The following EYS variants were observed in gnomAD, a reference collection of about 807,000 sequenced individuals.
EYS encodes protein eyes shut homolog.
Under a neutral mutation model 282.1 loss-of-function variants are expected in EYS, and 250 were observed. That is an observed-to-expected ratio of 0.89 (90% CI 0.80 to 0.98). The LOEUF (loss-of-function observed/expected upper bound fraction) is 0.98, where lower values mean the gene tolerates loss of function less well. EYS is among the 50% of genes least tolerant of loss of function. The pLI, the probability that EYS is intolerant of heterozygous loss-of-function variation, is 0.00. For synonymous variants in EYS, 1,355 were observed against 1,282.9 expected, an observed-to-expected ratio of 1.06 and a Z score of -1.20; for missense variants, 4,016 against 3,709.0, an observed-to-expected ratio of 1.08 and a Z score of -2.15.
intron 35 of EYS, among the ~76,000 whole-genome samples, chr6:63,931,846 C>T (rs2083002004): frequency 6.6e-6 from 1 of 152,150 alleles, no homozygotes; most frequent in African/African-American, 2.4e-5. Flanking sequence ...ATTTACCCTA[C>T]AGTGTTATAG....
At chr6:65,129,435 G>C (rs1205727071) in intron 12 of EYS, among the ~76,000 whole-genome samples, 1 of 151,642 alleles carries the variant, frequency 6.6e-6, no homozygotes, top group Non-Finnish European at 1.5e-5. Flanking sequence ...TGAAGGTCCA[G>C]AATCTATAAG....
At chr6:64,903,680 A>G (rs1458968333) in intron 16 of EYS, among the ~76,000 whole-genome samples, 2 of 152,146 alleles carry the variant, frequency 1.3e-5, no homozygotes, top group Non-Finnish European at 2.9e-5. Context: ...CTACTGTTCA[A>G]TGAAAAATTC....
At chr6:65,084,466 C>T (rs139038658) in intron 12 of EYS, among the ~76,000 whole-genome samples, 2 of 152,112 alleles carry the variant, frequency 1.3e-5, no homozygotes, top group Non-Finnish European at 2.9e-5. Context: ...AATGCTACTC[C>T]AAGAAAGTAA....
intron 31 of EYS, among the ~76,000 whole-genome samples, chr6:64,119,300 A>G (rs2150272470): frequency 6.6e-6 from 1 of 152,290 alleles, no homozygotes; most frequent in East Asian, 1.9e-4. Flanking sequence ...TAGTTTAACC[A>G]GAAAACTTTA....
chr6:64,181,713 T>C (rs1327159722), intron 31 of EYS, among the ~76,000 whole-genome samples: 1 of 152,090 alleles, frequency 6.6e-6, no homozygotes, highest in Non-Finnish European at 1.5e-5. Context: ...GTGTTTTTTA[T>C]CTCAAAAATG....
intron 29 of EYS, among the ~76,000 whole-genome samples, chr6:64,367,270 C>T (rs1772212103): frequency 6.6e-6 from 1 of 151,912 alleles, no homozygotes; most frequent in Admixed American, 6.6e-5. Context: ...GACACTGATC[C>T]AAGCCCAAAA....
chr6:64,014,486 T>G (rs1562151138), intron 33 of EYS, among the ~76,000 whole-genome samples: 1 of 152,176 alleles, frequency 6.6e-6, no homozygotes. Context: ...TATTTTAATG[T>G]TAAGATATTT....
intron 2 of EYS, among the ~76,000 whole-genome samples, chr6:65,530,080 T>C (rs1041733068): frequency 1.1e-4 from 16 of 152,336 alleles, no homozygotes; most frequent in African/African-American, 3.8e-4. Context: ...AGCCTTGGGA[T>C]TGTATCCTAT....
intron 2 of EYS, among the ~76,000 whole-genome samples, chr6:65,598,303 T>C (rs1765487263): frequency 6.9e-6 from 1 of 144,432 alleles, no homozygotes; most frequent in Non-Finnish European, 1.5e-5. Context: ...CTTCTTTTTT[T>C]TCTCTTTTAT....
At chr6:65,690,102 T>C (rs560200730) in intron 1 of EYS, among the ~76,000 whole-genome samples, 8 of 150,212 alleles carry the variant, frequency 5.3e-5, no homozygotes, top group Admixed American at 3.3e-4. Flanking sequence ...TATGCAGAAG[T>C]ACAGTATACA....
chr6:64,483,265 T>C (rs1156635467), intron 26 of EYS, among the ~76,000 whole-genome samples: 1 of 151,680 alleles, frequency 6.6e-6, no homozygotes, highest in Non-Finnish European at 1.5e-5. Context: ...GAACGTTCTA[T>C]GAAATGAGGG....
At chr6:63,855,378 C>A (rs1221856501) in intron 36 of EYS, among the ~76,000 whole-genome samples, 1 of 152,170 alleles carries the variant, frequency 6.6e-6, no homozygotes, top group East Asian at 1.9e-4. Flanking sequence ...GGTATCTTAT[C>A]GCACTAGTGT....
At position 64,025,144 on chromosome 6, in the gene EYS, T is replaced by A. The variant is rs114935500; in HGVS notation, c.6726-25961A>T. ...AAATAACCGGGCACCTGTCAGCCAG[T>A]TAAAAGCAACTAGTGCGGCTGCCGG... is the stretch of plus-strand genomic sequence containing the variant. On this transcript the variant is annotated intron_variant, in intron 33 of 42. Coordinates refer to ENST00000503581, the MANE Select transcript of EYS (RefSeq NM_001142800.2). 8.0e-3 allele frequency among the ~76,000 whole-genome samples: 1,223 copies of A among 152,206 alleles called. 14 individuals are homozygous for A. Among genetic ancestry groups the A allele is most frequent in the African/African-American group, 0.027 (1,126 of 41,514 alleles).
intron 12 of EYS, among the ~76,000 whole-genome samples, chr6:65,194,463 G>A (rs943561474): frequency 1.3e-5 from 2 of 151,922 alleles, no homozygotes; most frequent in African/African-American, 4.8e-5. Context: ...TATAAAATGT[G>A]ATATAATAAA....
chr6:64,078,069 CAAAAT>C (rs1055928864), intron 32 of EYS, among the ~76,000 whole-genome samples: 2 of 151,904 alleles, frequency 1.3e-5, no homozygotes, highest in African/African-American at 4.8e-5. Context: ...CAAACTGAGA[CAAAAT>C]AAATGTGCAG....
At chr6:64,640,806 C>G (rs1398563209) in intron 22 of EYS, among the ~76,000 whole-genome samples, 1 of 152,000 alleles carries the variant, frequency 6.6e-6, no homozygotes, top group African/African-American at 2.4e-5. Context: ...ACAAAAATAG[C>G]TTTGTATTCT....
chr6:65,380,886 A>G (rs2150349167), intron 8 of EYS, among the ~76,000 whole-genome samples: 1 of 152,310 alleles, frequency 6.6e-6, no homozygotes, highest in South Asian at 2.1e-4. Context: ...ATCACTGGTC[A>G]TTAGAGAAAT....
chr6:64,039,277 T>C (rs9362403), intron 33 of EYS, among the ~76,000 whole-genome samples: 1,783 of 152,310 alleles, frequency 0.012, 50 homozygotes, highest in East Asian at 0.094. Flanking sequence ...TAGGTAAGTA[T>C]TATTGTGATG....
intron 22 of EYS, among the ~76,000 whole-genome samples, chr6:64,743,407 G>T (rs1772440761): frequency 6.6e-6 from 1 of 151,968 alleles, no homozygotes; most frequent in African/African-American, 2.4e-5. Flanking sequence ...TCTATATTTG[G>T]CAAACTTCCA....
Sources: allele counts gnomAD v4.1 joint callset (sites outside exome capture counted in the v4.1 genomes callset), GRCh38; gene constraint gnomAD v4.1.1; transcripts MANE v1.5; gene names NCBI Gene and HGNC (gene_info 2026-07-23, HGNC 2026-07-21).